KIRREL3: variants seen among roughly 807,000 people sequenced by gnomAD.
The protein encoded by KIRREL3 is kirre like nephrin family adhesion molecule 3, also known as kin of IRRE-like protein 3.
Under a neutral mutation model 89.7 loss-of-function variants are expected in KIRREL3, and 36 were observed. The ratio of observed to expected loss-of-function variants is 0.40; its 90% CI spans 0.31 to 0.53. KIRREL3 has a LOEUF of 0.53. KIRREL3 is among the 20% of genes least tolerant of loss of function. KIRREL3 has a pLI of 0.49. For missense variants in KIRREL3, 864 were observed against 1,056.6 expected, an observed-to-expected ratio of 0.82 and a Z score of 2.53; for synonymous variants, 445 against 441.4, an observed-to-expected ratio of 1.01 and a Z score of -0.10.
chr11:126,852,582 A>C (rs1232456542), intron 1 of KIRREL3, among the ~76,000 whole-genome samples: 1 of 152,224 alleles, frequency 6.6e-6, no homozygotes, highest in African/African-American at 2.4e-5. Flanking sequence ...CCAAAGCTTG[A>C]GCTATCTCTA....
At chr11:126,821,057 T>C (rs987332619) in intron 1 of KIRREL3, among the ~76,000 whole-genome samples, 2 of 151,996 alleles carry the variant, frequency 1.3e-5, no homozygotes, top group African/African-American at 4.8e-5. Context: ...TGCAAAAGGT[T>C]GATGCACTGG....
rs753606732 is a variant in KIRREL3 at position 126,642,496 on chromosome 11, C to G, written c.56-79584G>C. On this transcript the variant is annotated intron_variant, in intron 1 of 16. Coordinates refer to ENST00000525144, the MANE Select transcript of KIRREL3 (RefSeq NM_032531.4). This position sits in a 1 kb window ranked among gnomAD's most constrained non-coding sequence, Gnocchi z 4.9. Reference sequence around the variant, plus strand: ...CTAGAAATGTTAACTCTGCCCTGCACTTTCCATTCCCCATCCCCTTTCCTC... The same window carrying G: ...CTAGAAATGTTAACTCTGCCCTGCAGTTTCCATTCCCCATCCCCTTTCCTC... 6.6e-6 allele frequency among the ~76,000 whole-genome samples: 1 copy of G among 152,270 alleles called. No homozygotes were observed. The highest frequency in any genetic ancestry group is 1.5e-5 in the Non-Finnish European group (1 of 68,050).
rs1204834541 is a variant in KIRREL3 at position 126,635,403 on chromosome 11, G to A, written c.56-72491C>T. Among the ~76,000 whole-genome samples the A allele has an allele frequency of 6.6e-6, 1 of 152,244 alleles. No homozygotes were observed. Among genetic ancestry groups the A allele is most frequent in the African/African-American group, 2.4e-5 (1 of 41,476 alleles). Reference sequence around the variant, plus strand: ...AGGGTTATGTTATGGATTGGAGGGAGCAGAGAAGCTTCCTCATTAAAAGGG... The same window carrying A: ...AGGGTTATGTTATGGATTGGAGGGAACAGAGAAGCTTCCTCATTAAAAGGG... On this transcript the variant is annotated intron_variant, in intron 1 of 16. Coordinates refer to ENST00000525144, the MANE Select transcript of KIRREL3 (RefSeq NM_032531.4). The surrounding 1 kb of genome is among the most constrained non-coding windows in gnomAD (Gnocchi z 4.0).
chr11:126,547,994 C>T (rs1452113948), intron 2 of KIRREL3, among the ~76,000 whole-genome samples: 1 of 152,176 alleles, frequency 6.6e-6, no homozygotes, highest in East Asian at 1.9e-4. Context: ...ACACTACCCA[C>T]TTTGTGACGT....
rs1291664822 is a variant in KIRREL3 at position 126,594,104 on chromosome 11, C to T, written c.56-31192G>A. Among the ~76,000 whole-genome samples, 1 of 152,162 alleles carries T rather than the reference C, an allele frequency of 6.6e-6. No homozygotes were observed. Among genetic ancestry groups the T allele is most frequent in the Non-Finnish European group, 1.5e-5 (1 of 68,024 alleles). On this transcript the variant is annotated intron_variant, in intron 1 of 16. Coordinates refer to ENST00000525144, the MANE Select transcript of KIRREL3 (RefSeq NM_032531.4). This position sits in a 1 kb window ranked among gnomAD's most constrained non-coding sequence, Gnocchi z 5.0. ...CCTCTGTCCATTGGCACAGTGTATCCTCCTCCCATCCTCCACCCCTCCCTC... is the reference window on the plus strand; with the variant it reads ...CCTCTGTCCATTGGCACAGTGTATCTTCCTCCCATCCTCCACCCCTCCCTC...
At chr11:126,450,969 G>GTGTC (rs1956076822) in intron 7 of KIRREL3, among the ~76,000 whole-genome samples, 1 of 151,292 alleles carries the variant, frequency 6.6e-6, no homozygotes, top group Admixed American at 6.6e-5. Context: ...GCGTGTGCAT[G>GTGTC]CATGGGTGTG....
At chr11:126,925,638 A>C (rs576627827) in intron 1 of KIRREL3, among the ~76,000 whole-genome samples, 26 of 152,138 alleles carry the variant, frequency 1.7e-4, no homozygotes, top group Admixed American at 8.5e-4. Flanking sequence ...TTCATTCTCC[A>C]CTGGGTCTAT....
rs1947957673 is a variant in KIRREL3 at position 126,931,737 on chromosome 11, A to G, written c.55+68718T>C. 6.6e-6 allele frequency among the ~76,000 whole-genome samples: 1 copy of G among 152,222 alleles called. No homozygotes were observed. The highest frequency in any genetic ancestry group is 1.5e-5 in the Non-Finnish European group (1 of 68,036). On this transcript the variant is annotated intron_variant, in intron 1 of 16. Transcript: ENST00000525144. The surrounding 1 kb of genome is among the most constrained non-coding windows in gnomAD (Gnocchi z 5.1). The stretch of plus-strand genomic sequence containing the variant: ...GGAAGATTATCACCAGTTTACAGAC[A>G]GTAGCAATGAGGCCAGAAAGGTGGA...
chr11:126,825,217 C>T (rs1046340484), intron 1 of KIRREL3, among the ~76,000 whole-genome samples: 1 of 152,096 alleles, frequency 6.6e-6, no homozygotes, highest in African/African-American at 2.4e-5. Context: ...GCATAAAATG[C>T]CTCTTGAAAT....
rs1951274957 is a variant in KIRREL3, at chr11:126,808,484, T to A, written c.55+191971A>T. On this transcript the variant is annotated intron_variant, in intron 1 of 16. Transcript: ENST00000525144. This position sits in a 1 kb window ranked among gnomAD's most constrained non-coding sequence, Gnocchi z 4.1. ...AGGCAGTTTTTCATGGGGTCTGTTT[T>A]TTTCCCAGTGACCTCCTGAGGCAGC... 6.6e-6 allele frequency among the ~76,000 whole-genome samples: 1 copy of A among 152,152 alleles called. No homozygotes were observed. The highest frequency in any genetic ancestry group is 6.5e-5 in the Admixed American group (1 of 15,290).
intron 5 of KIRREL3, among the ~76,000 whole-genome samples, chr11:126,466,045 G>T (rs1002917870): frequency 6.6e-6 from 1 of 152,146 alleles, no homozygotes; most frequent in Non-Finnish European, 1.5e-5. Flanking sequence ...CCCTTCCAAC[G>T]GATGGGCTCT....
intron 1 of KIRREL3, among the ~76,000 whole-genome samples, chr11:126,784,355 T>A (rs1950418508): frequency 6.6e-6 from 1 of 152,216 alleles, no homozygotes; most frequent in South Asian, 2.1e-4. Context: ...TTGCAACTTT[T>A]ATGTATGTCA....
chr11:126,703,364 C>T lies in KIRREL3; in HGVS notation c.56-140452G>A, dbSNP rs1192467560. 6.6e-6 allele frequency among the ~76,000 whole-genome samples: 1 copy of T among 152,264 alleles called. No individual in the cohort carries two copies. Among genetic ancestry groups the T allele is most frequent in the Non-Finnish European group, 1.5e-5 (1 of 68,044 alleles). On this transcript the variant is annotated intron_variant, in intron 1 of 16. Coordinates refer to ENST00000525144, the MANE Select transcript of KIRREL3 (RefSeq NM_032531.4). This position sits in a 1 kb window ranked among gnomAD's most constrained non-coding sequence, Gnocchi z 4.6. ...TCATGGGGCACTGGTGAGCAGCAAACAGAATCATCGTCTTCATCACCATCA... is the reference window on the plus strand; with the variant it reads ...TCATGGGGCACTGGTGAGCAGCAAATAGAATCATCGTCTTCATCACCATCA...
chr11:126,644,470 G>A (rs188240186), intron 1 of KIRREL3, among the ~76,000 whole-genome samples: 11 of 152,352 alleles, frequency 7.2e-5, no homozygotes, highest in Non-Finnish European at 1.3e-4. Flanking sequence ...ATGCAAATGG[G>A]GTAGATGCAG....
intron 1 of KIRREL3, among the ~76,000 whole-genome samples, chr11:126,910,658 C>T (rs970439311): frequency 3.9e-5 from 6 of 152,310 alleles, no homozygotes; most frequent in Middle Eastern, 3.4e-3. Flanking sequence ...GCAAGTTTCT[C>T]CACCCCTTTA....
Position 126,766,913 on chromosome 11 carries a change from C to T in KIRREL3, c.56-204001G>A, listed in dbSNP as rs1949842042. Among the ~76,000 whole-genome samples the T allele has an allele frequency of 6.6e-6, 1 of 152,174 alleles. No homozygotes were observed. Among genetic ancestry groups the T allele is most frequent in the Non-Finnish European group, 1.5e-5 (1 of 68,046 alleles). ...AAAGTGAGGCACAGAGGGCTGGGGT[C>T]TATTACAAAGAGCTAGTCATGTTTG... is the stretch of plus-strand genomic sequence containing the variant. On this transcript the variant is annotated intron_variant, in intron 1 of 16. Transcript: ENST00000525144. This position sits in a 1 kb window ranked among gnomAD's most constrained non-coding sequence, Gnocchi z 4.2.
At chr11:126,774,016 G>C (rs1438917526) in intron 1 of KIRREL3, among the ~76,000 whole-genome samples, 1 of 152,092 alleles carries the variant, frequency 6.6e-6, no homozygotes, top group Non-Finnish European at 1.5e-5. Flanking sequence ...AAAAGTGATG[G>C]GGTCCCTGGG....
chr11:126,885,463 A>C (rs1945660150), intron 1 of KIRREL3, among the ~76,000 whole-genome samples: 1 of 152,236 alleles, frequency 6.6e-6, no homozygotes, highest in South Asian at 2.1e-4. Flanking sequence ...AGACAGGTTT[A>C]GTACAGATAA....
At position 126,981,134 on chromosome 11, in the gene KIRREL3, C is replaced by A. The variant is rs748364160; in HGVS notation, c.55+19321G>T. ...GATGCTGAGTTCTAGATATTTGAAG[C>A]CTAATACCACAAACGTACCTCTCTG... On this transcript the variant is annotated intron_variant, in intron 1 of 16. Coordinates refer to ENST00000525144, the MANE Select transcript of KIRREL3 (RefSeq NM_032531.4). This position sits in a 1 kb window ranked among gnomAD's most constrained non-coding sequence, Gnocchi z 4.2. Among the ~76,000 whole-genome samples the A allele has an allele frequency of 1.3e-5, 2 of 152,176 alleles. No homozygotes were observed. The highest frequency in any genetic ancestry group is 3.8e-4 in the East Asian group (2 of 5,196).
Sources: allele counts gnomAD v4.1 joint callset (sites outside exome capture counted in the v4.1 genomes callset), GRCh38; gene constraint gnomAD v4.1.1; non-coding constraint Gnocchi (gnomAD v3.1); transcripts MANE v1.5; gene names NCBI Gene and HGNC (gene_info 2026-07-23, HGNC 2026-07-21).